The following CTNNA3 variants were observed in gnomAD, a reference collection of about 807,000 sequenced individuals.
CTNNA3 encodes the protein catenin alpha 3.
Under a neutral mutation model 95.7 loss-of-function variants are expected in CTNNA3, and 76 were observed. That is an observed-to-expected ratio of 0.79 (90% CI 0.66 to 0.96). CTNNA3 has a LOEUF of 0.96. Ranked by LOEUF, CTNNA3 falls within the 40% of genes least tolerant of loss-of-function variation. The pLI, the probability that CTNNA3 is intolerant of heterozygous loss-of-function variation, is 0.00. For missense variants in CTNNA3, 1,191 were observed against 1,089.8 expected, an observed-to-expected ratio of 1.09 and a Z score of -1.31; for synonymous variants, 431 against 374.4, an observed-to-expected ratio of 1.15 and a Z score of -1.74.
At chr10:67,420,091 C>T (rs984881720) in intron 5 of CTNNA3, among the ~76,000 whole-genome samples, 14 of 152,142 alleles carry the variant, frequency 9.2e-5, no homozygotes, top group South Asian at 2.1e-4. Flanking sequence ...CTTTGTGATC[C>T]GCCTGCCTCA....
chr10:66,751,615 A>G (rs1839144441), intron 9 of CTNNA3, among the ~76,000 whole-genome samples: 1 of 152,178 alleles, frequency 6.6e-6, no homozygotes, highest in African/African-American at 2.4e-5. Context: ...TCAGATTCAC[A>G]TGGTATTGAA....
chr10:67,520,964 C>A (rs189710543), intron 5 of CTNNA3, among the ~76,000 whole-genome samples: 5 of 152,266 alleles, frequency 3.3e-5, no homozygotes, highest in African/African-American at 1.2e-4. Flanking sequence ...GTGATCGACT[C>A]GAGGCCTGGC....
chr10:66,859,587 C>A (rs570190165), intron 7 of CTNNA3, among the ~76,000 whole-genome samples: 1 of 150,408 alleles, frequency 6.6e-6, no homozygotes, highest in African/African-American at 2.4e-5. Context: ...ACTAGTTCAA[C>A]CATTGTGGAA....
chr10:67,590,351 C>T (rs1260904489), intron 3 of CTNNA3, among the ~76,000 whole-genome samples: 1 of 151,984 alleles, frequency 6.6e-6, no homozygotes, highest in South Asian at 2.1e-4. Context: ...TCATCAAGTA[C>T]CTATCTTAAA....
At chr10:67,061,700 C>A (rs551326417) in intron 7 of CTNNA3, among the ~76,000 whole-genome samples, 38 of 152,154 alleles carry the variant, frequency 2.5e-4, no homozygotes, top group African/African-American at 9.2e-4. Flanking sequence ...GAAAGAGAAA[C>A]GATATTTCAG....
At chr10:67,653,880 A>C (rs1839946078) in intron 1 of CTNNA3, among the ~76,000 whole-genome samples, 1 of 151,766 alleles carries the variant, frequency 6.6e-6, no homozygotes, top group Admixed American at 6.6e-5. Context: ...CAGTGTCTCA[A>C]CTCCCTGCTC....
At chr10:66,721,069 G>A (rs1848613570) in intron 9 of CTNNA3, among the ~76,000 whole-genome samples, 2 of 152,094 alleles carry the variant, frequency 1.3e-5, no homozygotes, top group African/African-American at 4.8e-5. Flanking sequence ...TGGTCCCCAG[G>A]TGAATCACAC....
Position 66,853,265 on chromosome 10 carries a change from G to A in CTNNA3, c.1048-77741C>T, listed in dbSNP as rs534632904. ...CAGCAGAGAGTATATGGCTCACAAA[G>A]GCTAAAATATTTATTATCCGGCCCG... On this transcript the variant is annotated intron_variant, in intron 7 of 17. Coordinates refer to ENST00000433211, the MANE Select transcript of CTNNA3 (RefSeq NM_013266.4). 5.3e-5 allele frequency among the ~76,000 whole-genome samples: 8 copies of A among 152,010 alleles called. No individual in the cohort carries two copies. The South Asian group carries it at 1.7e-3, about 32-fold the overall frequency.
chr10:67,216,678 A>G (rs74142441), intron 6 of CTNNA3, among the ~76,000 whole-genome samples: 6,133 of 152,314 alleles, frequency 0.04, 154 homozygotes, highest in South Asian at 0.09. Flanking sequence ...ACAGCTCTCT[A>G]AAAATAAGAA....
At chr10:67,343,890 A>G (rs975994901) in intron 5 of CTNNA3, among the ~76,000 whole-genome samples, 3 of 149,506 alleles carry the variant, frequency 2.0e-5, no homozygotes, top group Admixed American at 6.7e-5. Context: ...CCCAGCTAGT[A>G]TAACACTACA....
intron 9 of CTNNA3, among the ~76,000 whole-genome samples, chr10:66,694,330 A>G (rs1213016389): frequency 6.6e-6 from 1 of 152,114 alleles, no homozygotes; most frequent in Non-Finnish European, 1.5e-5. Flanking sequence ...AATACTACAA[A>G]CACCTCTATG....
chr10:66,856,102 T>A (rs1473955946), intron 7 of CTNNA3, among the ~76,000 whole-genome samples: 1 of 151,928 alleles, frequency 6.6e-6, no homozygotes, highest in Non-Finnish European at 1.5e-5. Context: ...CACCCTGGTG[T>A]CTGTTGTCTC....
Position 66,360,899 on chromosome 10 carries a change from TTC to T in CTNNA3, c.1732+18251_1732+18252del, listed in dbSNP as rs368267520. 1.6e-3 allele frequency among the ~76,000 whole-genome samples: 171 copies of T among 107,880 alleles called. 2 individuals are homozygous for T. Among genetic ancestry groups the T allele is most frequent in the African/African-American group, 4.3e-3 (148 of 34,772 alleles). The allele number at this position is 107,880 out of a possible 152,430, so 70.8% of individuals were successfully genotyped here. A position where few individuals can be genotyped will look rare whatever the true frequency, so the allele number is the denominator to read the frequency against. On this transcript the variant is annotated intron_variant, in intron 12 of 17. Coordinates refer to ENST00000433211, the MANE Select transcript of CTNNA3 (RefSeq NM_013266.4). Reference sequence around the variant, plus strand: ...CTTTCTTTCTTTTTTCTTTATTTCTTTCTCTCTCTCTCTCTCTTTCTTCCTTT... The same window carrying T: ...CTTTCTTTCTTTTTTCTTTATTTCTTTCTCTCTCTCTCTCTTTCTTCCTTT...
At chr10:66,296,542 CAT>C (rs543654925) in intron 12 of CTNNA3, among the ~76,000 whole-genome samples, 126 of 151,682 alleles carry the variant, frequency 8.3e-4, no homozygotes, top group Middle Eastern at 6.8e-3. Context: ...CTCACACACA[CAT>C]GTGTGTGCAT....
intron 7 of CTNNA3, chr10:66,926,359 G>T: frequency 1.6e-6 from 1 of 617,250 alleles, no homozygotes. Flanking sequence ...AGATTTTGAT[G>T]TTTTGCTGCG....
rs531650579 is a variant in CTNNA3 at position 66,146,875 on chromosome 10, A to G, written c.1885-43626T>C. On this transcript the variant is annotated intron_variant, in intron 13 of 17. Coordinates refer to ENST00000433211, the MANE Select transcript of CTNNA3 (RefSeq NM_013266.4). Reference sequence around the variant, plus strand: ...CCTGGTATTTTTAACCAGGGAAAATATTAGTACTTAGGAGATCTGATAGAG... The same window carrying G: ...CCTGGTATTTTTAACCAGGGAAAATGTTAGTACTTAGGAGATCTGATAGAG... Among the ~76,000 whole-genome samples the G allele has an allele frequency of 2.4e-3, 365 of 152,264 alleles. 1 individual carries two copies. Among genetic ancestry groups the G allele is most frequent in the Non-Finnish European group, 4.2e-3 (285 of 68,008 alleles).
At chr10:66,361,271 C>G (rs1002976562) in intron 12 of CTNNA3, among the ~76,000 whole-genome samples, 14 of 151,084 alleles carry the variant, frequency 9.3e-5, no homozygotes, top group Non-Finnish European at 1.9e-4. Flanking sequence ...GCCCAGCCAT[C>G]AAATTCATAA....
At chr10:65,970,990 T>G (rs1903878) in intron 16 of CTNNA3, among the ~76,000 whole-genome samples, 17 of 142,666 alleles carry the variant, frequency 1.2e-4, no homozygotes, top group Admixed American at 7.0e-5. Flanking sequence ...AAACCTCTCT[T>G]TTTTTTTTTT....
At chr10:67,177,081 C>T in intron 7 of CTNNA3, 1 of 413,410 alleles carries the variant, frequency 2.4e-6, no homozygotes, top group South Asian at 1.8e-5. Flanking sequence ...ACATATGTAT[C>T]CACTCATATA....
Sources: allele counts gnomAD v4.1 joint callset (sites outside exome capture counted in the v4.1 genomes callset), GRCh38; gene constraint gnomAD v4.1.1; transcripts MANE v1.5; gene names NCBI Gene and HGNC (gene_info 2026-07-23, HGNC 2026-07-21).